Variants in SPATS1 observed in about 807,000 individuals in gnomAD.
SPATS1 encodes spermatogenesis-associated serine-rich protein 1.
In SPATS1, 23 loss-of-function variants were observed where a neutral mutation model predicts 33.6. That is an observed-to-expected ratio of 0.68 (90% CI 0.49 to 0.97). The LOEUF (loss-of-function observed/expected upper bound fraction) is 0.97, where lower values mean the gene tolerates loss of function less well. SPATS1 is among the 50% of genes least tolerant of loss of function. The probability of loss-of-function intolerance (pLI) is 0.00; values close to 1 mark genes in which losing one functional copy is unlikely to be tolerated. For synonymous variants in SPATS1, 131 were observed against 125.6 expected (o/e 1.04, Z -0.29); for missense variants, 327 against 361.0 (o/e 0.91, Z 0.76).
Position 44,379,624 on chromosome 6 carries a change from A to AAAAG in SPATS1, c.*2581_*2584dup, listed in dbSNP as rs1250121677. ...CAAAAAAAAAAAAAAAAAAAAAAAA[A>AAAAG]AAAGAAAGAAAGAAAGAAAGAAAAA... On this transcript the variant is annotated 3_prime_UTR_variant, in exon 9 of 9. Coordinates refer to ENST00000674044, the MANE Select transcript of SPATS1 (RefSeq NM_001372081.1). Among the ~76,000 whole-genome samples, 40 of 130,918 alleles carry AAAAG rather than the reference A, an allele frequency of 3.1e-4. No individual in the cohort carries two copies. The highest frequency in any genetic ancestry group is 5.8e-4 in the African/African-American group (20 of 34,480). The allele number at this position is 130,918 out of a possible 152,430, so 85.9% of individuals were successfully genotyped here.
rs762883949 is a variant in SPATS1 at position 44,361,908 on chromosome 6, T to C, written c.490T>C (p.Cys164Arg). The C allele has an allele frequency of 1.1e-5, 17 of 1,614,112 alleles. No individual in the cohort carries two copies. In the Middle Eastern group the frequency reaches 6.6e-4, roughly 62 times the overall value. The change falls in exon 5 of 9, where the codon TGC becomes CGC. Residue 164 changes from cysteine (C) to arginine (R), a missense_variant. Cys to Arg is a radical substitution (Grantham distance 180). Transcript: ENST00000674044. ...CCACACCTACCACGTCGGAAAGCAGTGCTTCTTTAATGGAGTCTTCCTCGG... is the reference window on the plus strand; with the variant it reads ...CCACACCTACCACGTCGGAAAGCAGCGCTTCTTTAATGGAGTCTTCCTCGG... ...NIHTYHVGKQ[C>R]FFNGVFLGNK...
chr6:44,371,944 CAA>C (rs1217507871), intron 7 of SPATS1, among the ~76,000 whole-genome samples: 63 of 67,708 alleles, frequency 9.3e-4, no homozygotes, highest in East Asian at 9.7e-4. Flanking sequence ...GACTCCGTCT[CAA>C]AAAAAAAAAA....
rs1248995808 is a variant in SPATS1, at chr6:44,352,739, T to C, written c.153T>C (p.Ser51=). The part of the protein sequence containing the change: ...EVERTYSANC[S]DFLESKGCFA... ...TCTGTGTTACAGGTGCTAATTGCAG[T>C]GATTTTCTGGAATCTAAGGGATGTT... The change falls in exon 3 of 9, where the codon AGT becomes AGC. Residue 51 remains serine (S), a synonymous_variant. Coordinates refer to ENST00000674044, the MANE Select transcript of SPATS1 (RefSeq NM_001372081.1). 1 of 1,614,042 alleles carries C rather than the reference T, an allele frequency of 6.2e-7. No homozygotes were observed. The highest frequency in any genetic ancestry group is 1.3e-5 in the African/African-American group (1 of 74,928).
chr6:44,369,547 T>A (rs1048561282), intron 6 of SPATS1, among the ~76,000 whole-genome samples: 1 of 148,806 alleles, frequency 6.7e-6, no homozygotes, highest in African/African-American at 2.5e-5. Context: ...TAAGACTCCA[T>A]CTCAAAATAA....
rs775233482 is a variant in SPATS1 at position 44,361,786 on chromosome 6, G to A, written c.413-45G>A. On this transcript the variant is annotated intron_variant, in intron 4 of 8. Coordinates refer to ENST00000674044, the MANE Select transcript of SPATS1 (RefSeq NM_001372081.1). ...GCTTTTTGTCATCCAGTTGCATTAT[G>A]AGGCTGGGAACAGTGCTAATGGAAG... The A allele has an allele frequency of 2.9e-5, 47 of 1,611,212 alleles. No individual in the cohort carries two copies. In the Middle Eastern group the frequency reaches 8.2e-4, roughly 28 times the overall value.
chr6:44,355,512 TTGAG>T (rs1366233228), intron 3 of SPATS1, among the ~76,000 whole-genome samples: 1 of 152,212 alleles, frequency 6.6e-6, no homozygotes, highest in Non-Finnish European at 1.5e-5. Flanking sequence ...ACTGCGGTGC[TTGAG>T]TGTCAGATGA....
chr6:44,348,270 A>G (rs547008494), intron 2 of SPATS1, among the ~76,000 whole-genome samples: 2 of 152,120 alleles, frequency 1.3e-5, no homozygotes, highest in East Asian at 3.9e-4. Context: ...TGGCCTCCCA[A>G]AGTGCTGGGA....
chr6:44,358,854 A>G (rs1788740596), intron 3 of SPATS1, among the ~76,000 whole-genome samples: 1 of 152,200 alleles, frequency 6.6e-6, no homozygotes, highest in South Asian at 2.1e-4. Flanking sequence ...ACTTAGCACA[A>G]TGCTTTCAAG....
chr6:44,369,052 A>G (rs1789426242), intron 6 of SPATS1, among the ~76,000 whole-genome samples: 1 of 151,924 alleles, frequency 6.6e-6, no homozygotes, highest in South Asian at 2.1e-4. Flanking sequence ...GCCCGCCACC[A>G]CACCTGGGTA....
chr6:44,352,632 G>C, intron 2 of SPATS1, 94 bp from the exon 3 acceptor site: 5 of 1,109,356 alleles, frequency 4.5e-6, no homozygotes, highest in Non-Finnish European at 6.7e-6. Flanking sequence ...ATAAATGTTA[G>C]CTGTTTTAAA....
chr6:44,374,975 T>A (rs1789841137), intron 7 of SPATS1, among the ~76,000 whole-genome samples: 2 of 152,218 alleles, frequency 1.3e-5, no homozygotes, highest in Admixed American at 1.3e-4. Context: ...TTGTGGTATA[T>A]TTCTCCCCTA....
chr6:44,374,367 T>G (rs116489431), intron 7 of SPATS1, among the ~76,000 whole-genome samples: 1 of 152,248 alleles, frequency 6.6e-6, no homozygotes, highest in African/African-American at 2.4e-5. Flanking sequence ...TTGTTGTTAA[T>G]TGTGTCTTTT....
rs911809318 is a variant in SPATS1 at position 44,343,471 on chromosome 6, G to C, written c.139+237G>C. The C allele has an allele frequency of 4.9e-6, 3 of 617,656 alleles. No individual in the cohort carries two copies. In the African/African-American group the frequency reaches 5.4e-5, roughly 11 times the overall value. The allele number at this position is 617,656 out of a possible 1,614,324, so 38.3% of individuals were successfully genotyped here. ...AATTACCTCACTGGATCTCACAGCA[G>C]TGGAGAAGTATATTACCTATGAGTA... On this transcript the variant is annotated intron_variant, in intron 2 of 8. Transcript: ENST00000674044.
intron 7 of SPATS1, among the ~76,000 whole-genome samples, chr6:44,371,854 A>G (rs1376371091): frequency 6.6e-6 from 1 of 151,280 alleles, no homozygotes; most frequent in Non-Finnish European, 1.5e-5. Flanking sequence ...CTGAGGCAGG[A>G]GAATGGCGTG....
intron 2 of SPATS1, among the ~76,000 whole-genome samples, chr6:44,345,895 C>A (rs962950298): frequency 6.6e-5 from 10 of 152,172 alleles, no homozygotes; most frequent in Admixed American, 6.5e-4. Flanking sequence ...TTCCCACCAG[C>A]AATGATAGGA....
chr6:44,359,715 A>T (rs546009680), intron 3 of SPATS1, among the ~76,000 whole-genome samples: 9 of 152,012 alleles, frequency 5.9e-5, no homozygotes, highest in African/African-American at 1.9e-4. Flanking sequence ...GATTACAGGC[A>T]TGCACTACCA....
At chr6:44,357,852 G>C (rs928963911) in intron 3 of SPATS1, among the ~76,000 whole-genome samples, 2 of 152,210 alleles carry the variant, frequency 1.3e-5, no homozygotes, top group Non-Finnish European at 2.9e-5. Flanking sequence ...CGTGTGATCT[G>C]AGCTGAGCCA....
At chr6:44,375,425 A>G (rs897005788) in intron 7 of SPATS1, among the ~76,000 whole-genome samples, 6 of 152,202 alleles carry the variant, frequency 3.9e-5, no homozygotes, top group Admixed American at 6.5e-5. Flanking sequence ...CTTGGGAGAT[A>G]GGACATCAGG....
chr6:44,362,207 C>T (rs1788965500), intron 5 of SPATS1, among the ~76,000 whole-genome samples: 1 of 152,148 alleles, frequency 6.6e-6, no homozygotes, highest in South Asian at 2.1e-4. Flanking sequence ...TTTCTTTTTT[C>T]TCTGAATTTC....
Sources: allele counts gnomAD v4.1 joint callset (sites outside exome capture counted in the v4.1 genomes callset), GRCh38; gene constraint gnomAD v4.1.1; transcripts MANE v1.5; gene names NCBI Gene and HGNC (gene_info 2026-07-23, HGNC 2026-07-21).